Variants in CLVS1 observed in about 807,000 individuals in gnomAD.
The protein encoded by CLVS1 is clavesin 1.
In CLVS1, 10 loss-of-function variants were observed where a neutral mutation model predicts 33.1. The ratio of observed to expected loss-of-function variants is 0.30; its 90% CI spans 0.19 to 0.51. CLVS1 has a LOEUF of 0.51. CLVS1 is among the 20% of genes least tolerant of loss of function. CLVS1 has a pLI of 0.97. For synonymous variants in CLVS1, 163 were observed against 166.1 expected (o/e 0.98, Z 0.14); for missense variants, 343 against 433.4 (o/e 0.79, Z 1.85).
At chr8:61,369,408 A>T (rs1355758336) in intron 2 of CLVS1, among the ~76,000 whole-genome samples, 1 of 152,218 alleles carries the variant, frequency 6.6e-6, no homozygotes, top group African/African-American at 2.4e-5. Flanking sequence ...TGAATTATGT[A>T]AGAGTTATTA....
chr8:61,032,416 C>T, the CLVS1 span, among the ~76,000 whole-genome samples: 5 of 152,314 alleles, frequency 3.3e-5, no homozygotes, highest in East Asian at 9.6e-4. Flanking sequence ...GCTGCCTTGC[C>T]TTTGATAATC....
At chr8:61,005,381 T>TC in the CLVS1 span, among the ~76,000 whole-genome samples, 5 of 151,300 alleles carry the variant, frequency 3.3e-5, no homozygotes, top group African/African-American at 1.2e-4. Flanking sequence ...GGTGGCTTTT[T>TC]TTTTTTAGCA....
At chr8:61,419,484 G>GA (rs1815571802) in intron 3 of CLVS1, among the ~76,000 whole-genome samples, 1 of 151,732 alleles carries the variant, frequency 6.6e-6, no homozygotes, top group Non-Finnish European at 1.5e-5. Context: ...TTTTTTCCAA[G>GA]AGAGTTGAAG....
chr8:61,010,887 G>C, the CLVS1 span, among the ~76,000 whole-genome samples: 2 of 152,226 alleles, frequency 1.3e-5, no homozygotes, highest in African/African-American at 4.8e-5. Context: ...TATGTGAGAA[G>C]CAGCGCAGCG....
intron 2 of CLVS1, among the ~76,000 whole-genome samples, chr8:61,367,471 A>T (rs1483708668): frequency 6.6e-6 from 1 of 152,194 alleles, no homozygotes; most frequent in East Asian, 1.9e-4. Context: ...ACCCAGTGGA[A>T]GACTTTCCAA....
At chr8:61,363,899 G>A (rs760414973) in intron 2 of CLVS1, among the ~76,000 whole-genome samples, 7 of 152,104 alleles carry the variant, frequency 4.6e-5, no homozygotes, top group Admixed American at 2.0e-4. Flanking sequence ...AGGCAGGGGC[G>A]CCATGGGTGT....
intron 2 of CLVS1, among the ~76,000 whole-genome samples, chr8:61,265,382 C>T (rs989811101): frequency 6.6e-6 from 1 of 152,186 alleles, no homozygotes; most frequent in Admixed American, 6.5e-5. Flanking sequence ...TCTTTCTTTA[C>T]TTCAGTTTCC....
At chr8:61,411,291 G>T (rs1458249403) in intron 3 of CLVS1, among the ~76,000 whole-genome samples, 1 of 152,204 alleles carries the variant, frequency 6.6e-6, no homozygotes, top group Non-Finnish European at 1.5e-5. Context: ...AATTCCTCCT[G>T]TCTGCAAGGC....
upstream of CLVS1, among the ~76,000 whole-genome samples, chr8:61,052,384 A>T (rs1217905912): frequency 6.6e-6 from 1 of 152,196 alleles, no homozygotes; most frequent in African/African-American, 2.4e-5. Flanking sequence ...TAAAACCATG[A>T]AGGGCGACAG....
intron 3 of CLVS1, among the ~76,000 whole-genome samples, chr8:61,441,206 A>G (rs1247353115): frequency 6.6e-6 from 1 of 152,200 alleles, no homozygotes; most frequent in African/African-American, 2.4e-5. Context: ...CTGAATAGAT[A>G]AAGCCTAACT....
In CLVS1 at chr8:61,099,737, T is replaced by C. The variant is rs375643868; in HGVS notation, c.-242-32033T>C. Among the ~76,000 whole-genome samples, 34 of 152,302 alleles carry C rather than the reference T, an allele frequency of 2.2e-4. 1 individual carries two copies. The East Asian group carries it at 4.6e-3, about 21-fold the overall frequency. On this transcript the variant is annotated intron_variant, in intron 1 of 2. Transcript: ENST00000522621. ...TGTTGAAAGTTTATTGTGATTGACA[T>C]CATCATTTACAGCAGCAGCAAGTAT... is the stretch of plus-strand genomic sequence containing the variant.
the CLVS1 span, among the ~76,000 whole-genome samples, chr8:60,995,744 A>G: frequency 6.6e-6 from 1 of 152,334 alleles, no homozygotes. Context: ...TCACAATAGC[A>G]AAGACTTGGA....
At chr8:61,021,638 C>T in the CLVS1 span, among the ~76,000 whole-genome samples, 5 of 151,996 alleles carry the variant, frequency 3.3e-5, no homozygotes, top group African/African-American at 7.3e-5. Flanking sequence ...CTGGGATTAC[C>T]GCATGAGCGC....
At chr8:61,227,872 A>G (rs189484785) in intron 2 of CLVS1, among the ~76,000 whole-genome samples, 1 of 152,186 alleles carries the variant, frequency 6.6e-6, no homozygotes, top group East Asian at 1.9e-4. Flanking sequence ...ACAAAAAAAT[A>G]CTGTTAGTCA....
chr8:61,383,726 T>C (rs1813975286), intron 3 of CLVS1, among the ~76,000 whole-genome samples: 1 of 152,236 alleles, frequency 6.6e-6, no homozygotes, highest in Non-Finnish European at 1.5e-5. Flanking sequence ...AGGCTCAGTA[T>C]GGCCCATTTT....
At chr8:61,325,981 A>G (rs1398956458) in intron 2 of CLVS1, among the ~76,000 whole-genome samples, 1 of 152,170 alleles carries the variant, frequency 6.6e-6, no homozygotes, top group African/African-American at 2.4e-5. Context: ...GCCATGCTCT[A>G]CATTATCTCA....
chr8:61,303,590 T>C (rs1563486520), intron 2 of CLVS1, among the ~76,000 whole-genome samples: 1 of 152,232 alleles, frequency 6.6e-6, no homozygotes, highest in Non-Finnish European at 1.5e-5. Flanking sequence ...CAGACCATTA[T>C]GGTTTTAATA....
At chr8:61,421,190 C>T (rs759312996) in intron 3 of CLVS1, among the ~76,000 whole-genome samples, 39 of 152,218 alleles carry the variant, frequency 2.6e-4, no homozygotes, top group Non-Finnish European at 4.6e-4. Flanking sequence ...AACCGAACCC[C>T]TCAGAGTACT....
chr8:61,417,141 G>A (rs775342091), intron 3 of CLVS1, among the ~76,000 whole-genome samples: 1 of 152,142 alleles, frequency 6.6e-6, no homozygotes, highest in African/African-American at 2.4e-5. Context: ...GGGAGACCAT[G>A]GGCTGGAGAG....
Sources: allele counts gnomAD v4.1 joint callset (sites outside exome capture counted in the v4.1 genomes callset), GRCh38; gene constraint gnomAD v4.1.1; transcripts MANE v1.5; gene names NCBI Gene and HGNC (gene_info 2026-07-23, HGNC 2026-07-21).